Variants in VPS13B observed in about 807,000 individuals in gnomAD.
VPS13B encodes vacuolar protein sorting 13 homolog B, also known as intermembrane lipid transfer protein VPS13B.
In VPS13B, 285 loss-of-function variants were observed where a neutral mutation model predicts 426.4. The observed-to-expected ratio is 0.67, with a 90% CI of 0.61 to 0.74. The LOEUF is 0.74. Ranked by LOEUF, VPS13B falls within the 30% of genes least tolerant of loss-of-function variation. The probability of loss-of-function intolerance (pLI) is 0.00; values close to 1 mark genes in which losing one functional copy is unlikely to be tolerated. For synonymous variants in VPS13B, 1,676 were observed against 1,676.4 expected (o/e 1.00, Z 0.01); for missense variants, 4,537 against 4,782.6 (o/e 0.95, Z 1.51).
At chr8:99,456,573 A>G (rs1050413230) in intron 23 of VPS13B, among the ~76,000 whole-genome samples, 3 of 152,170 alleles carry the variant, frequency 2.0e-5, no homozygotes, top group Non-Finnish European at 4.4e-5. Flanking sequence ...TGCTGTTACT[A>G]TTGTGTATTA....
At chr8:99,864,536 AGAGT>A (rs1265954371) in intron 58 of VPS13B, among the ~76,000 whole-genome samples, 2 of 152,236 alleles carry the variant, frequency 1.3e-5, no homozygotes, top group Admixed American at 6.5e-5. Context: ...CCTGGTGGAC[AGAGT>A]GAGACCTTGT....
At chr8:99,054,615 T>C (rs762521511) in intron 3 of VPS13B, among the ~76,000 whole-genome samples, 1 of 152,264 alleles carries the variant, frequency 6.6e-6, no homozygotes, top group Admixed American at 6.5e-5. Flanking sequence ...TTCGGTGTTA[T>C]ATCTAAGAGT....
chr8:99,316,171 G>A (rs1809647350), intron 19 of VPS13B, among the ~76,000 whole-genome samples: 1 of 152,090 alleles, frequency 6.6e-6, no homozygotes, highest in Non-Finnish European at 1.5e-5. Context: ...CCAGGTGTTG[G>A]ATGTGAGTGG....
At position 99,830,821 on chromosome 8, in the gene VPS13B, C is replaced by T. The variant is rs561850856; in HGVS notation, c.9331-1548C>T. ...CTAGATAGCACCATCCCTCACAGCA[C>T]AGTCCCTCATGGCTTCCTTTGGCTA... On this transcript the variant is annotated intron_variant, in intron 51 of 61. Coordinates refer to ENST00000357162, the MANE Select transcript of VPS13B (RefSeq NM_152564.5). Among the ~76,000 whole-genome samples, 4 of 152,240 alleles carry T rather than the reference C, an allele frequency of 2.6e-5. No individual in the cohort carries two copies. The South Asian group carries it at 8.3e-4, about 32-fold the overall frequency.
chr8:99,812,122 G>T (rs1212626052), intron 44 of VPS13B, among the ~76,000 whole-genome samples: 7 of 152,108 alleles, frequency 4.6e-5, no homozygotes, highest in Non-Finnish European at 1.0e-4. Flanking sequence ...TTGGTTATTT[G>T]AAAAATACAT....
intron 3 of VPS13B, among the ~76,000 whole-genome samples, chr8:99,041,881 T>A (rs1250216255): frequency 6.6e-6 from 1 of 151,334 alleles, no homozygotes; most frequent in Non-Finnish European, 1.5e-5. Flanking sequence ...TTCTTCAACC[T>A]AAAGAGAGTA....
chr8:99,558,733 G>A (rs1588493569), intron 31 of VPS13B, among the ~76,000 whole-genome samples: 6 of 152,236 alleles, frequency 3.9e-5, no homozygotes, highest in South Asian at 4.1e-4. Flanking sequence ...TACAAAGGAC[G>A]TGAACTCATC....
intron 39 of VPS13B, among the ~76,000 whole-genome samples, chr8:99,760,505 G>A (rs1810873240): frequency 6.6e-6 from 1 of 151,958 alleles, no homozygotes; most frequent in Non-Finnish European, 1.5e-5. Flanking sequence ...TGATTTAAGT[G>A]GTAGGGCCAG....
chr8:99,460,624 T>C (rs1055545402), intron 23 of VPS13B, among the ~76,000 whole-genome samples: 1 of 152,220 alleles, frequency 6.6e-6, no homozygotes, highest in Middle Eastern at 3.2e-3. Context: ...GTAAGGAAGG[T>C]CTGCCACCAT....
chr8:99,651,315 C>T (rs889836101), intron 34 of VPS13B, among the ~76,000 whole-genome samples: 1 of 152,050 alleles, frequency 6.6e-6, no homozygotes, highest in African/African-American at 2.4e-5. Flanking sequence ...CTAAATTATG[C>T]TGACTGTATC....
chr8:99,696,687 G>C, intron 35 of VPS13B: 1 of 774,164 alleles, frequency 1.3e-6, no homozygotes, highest in Admixed American at 1.7e-5. Flanking sequence ...GAAGAACATA[G>C]CAGCCAAGGG....
At chr8:99,402,613 A>T (rs929330651) in intron 21 of VPS13B, among the ~76,000 whole-genome samples, 2 of 152,182 alleles carry the variant, frequency 1.3e-5, no homozygotes, top group South Asian at 4.1e-4. Context: ...ATTGGCTGAG[A>T]TAGTGAAAGA....
intron 43 of VPS13B, among the ~76,000 whole-genome samples, chr8:99,795,610 G>A (rs940067217): frequency 2.6e-5 from 4 of 152,152 alleles, no homozygotes; most frequent in African/African-American, 9.7e-5. Flanking sequence ...CAAGAATTTG[G>A]GGCATGGTCT....
intron 29 of VPS13B, among the ~76,000 whole-genome samples, chr8:99,516,098 A>G (rs974284432): frequency 6.6e-6 from 1 of 152,196 alleles, no homozygotes; most frequent in Non-Finnish European, 1.5e-5. Context: ...ATGCAAATAC[A>G]AAAATGCATG....
At chr8:99,742,398 A>C (rs1323650206) in intron 39 of VPS13B, among the ~76,000 whole-genome samples, 1 of 152,202 alleles carries the variant, frequency 6.6e-6, no homozygotes, top group African/African-American at 2.4e-5. Context: ...CCAGAGGTAC[A>C]AGGAGGAGCT....
intron 44 of VPS13B, among the ~76,000 whole-genome samples, chr8:99,815,880 G>T (rs888853465): frequency 6.6e-6 from 1 of 152,154 alleles, no homozygotes; most frequent in African/African-American, 2.4e-5. Context: ...CACCCAGGGT[G>T]GAGTACAGTG....
At chr8:99,156,413 G>A in intron 14 of VPS13B, 136 bp from the exon 15 acceptor site, 1 of 756,152 alleles carries the variant, frequency 1.3e-6, no homozygotes, top group Non-Finnish European at 2.2e-6. Context: ...TGGCAAGAGA[G>A]TTCTGTAGAA....
chr8:99,583,766 A>T (rs1014763523), intron 33 of VPS13B, among the ~76,000 whole-genome samples: 7 of 152,168 alleles, frequency 4.6e-5, no homozygotes, highest in African/African-American at 1.7e-4. Flanking sequence ...AAGATGAGGG[A>T]TATAGAGGAA....
chr8:99,331,925 A>G (rs1287300509), intron 19 of VPS13B, among the ~76,000 whole-genome samples: 1 of 151,738 alleles, frequency 6.6e-6, no homozygotes, highest in Non-Finnish European at 1.5e-5. Flanking sequence ...AATTTAAGAT[A>G]AAGGAATACT....
Sources: allele counts gnomAD v4.1 joint callset (sites outside exome capture counted in the v4.1 genomes callset), GRCh38; gene constraint gnomAD v4.1.1; transcripts MANE v1.5; gene names NCBI Gene and HGNC (gene_info 2026-07-23, HGNC 2026-07-21).